XIRP2: variants seen among roughly 807,000 people sequenced by gnomAD.
The protein encoded by XIRP2 is xin actin-binding repeat-containing protein 2.
In XIRP2, 236 loss-of-function variants were observed where a neutral mutation model predicts 277.0. That is an observed-to-expected ratio of 0.85 (90% CI 0.77 to 0.95). The LOEUF (loss-of-function observed/expected upper bound fraction) is 0.95. Ranked by LOEUF, XIRP2 falls within the 40% of genes least tolerant of loss-of-function variation. XIRP2 has a pLI of 0.00. For synonymous variants in XIRP2, 1,490 were observed against 1,416.5 expected (o/e 1.05, Z -1.17); for missense variants, 4,640 against 4,157.5 (o/e 1.12, Z -3.19).
intron 3 of XIRP2, among the ~76,000 whole-genome samples, chr2:167,152,153 T>C (rs1692035405): frequency 6.6e-6 from 1 of 152,094 alleles, no homozygotes; most frequent in African/African-American, 2.4e-5. Context: ...ATATTGAATA[T>C]TTTAAGCTGA....
chr2:167,224,013 G>A (rs953598277), intron 5 of XIRP2, among the ~76,000 whole-genome samples: 1 of 152,044 alleles, frequency 6.6e-6, no homozygotes, highest in Non-Finnish European at 1.5e-5. Context: ...TTTCATTCCC[G>A]GAGGATGAAC....
At chr2:166,953,851 T>C (rs1686097401) in intron 2 of XIRP2, among the ~76,000 whole-genome samples, 1 of 151,958 alleles carries the variant, frequency 6.6e-6, no homozygotes, top group African/African-American at 2.4e-5. Context: ...GTTCTAATTC[T>C]TGCATAGCCA....
chr2:167,003,392 A>G (rs892132600), intron 2 of XIRP2, among the ~76,000 whole-genome samples: 5 of 151,882 alleles, frequency 3.3e-5, no homozygotes, highest in Non-Finnish European at 2.9e-5. Flanking sequence ...GAGAACACTA[A>G]AAACAGTTGG....
At chr2:167,235,455 A>G (rs929929406) in intron 5 of XIRP2, among the ~76,000 whole-genome samples, 25 of 151,890 alleles carry the variant, frequency 1.6e-4, no homozygotes, top group African/African-American at 6.0e-4. Context: ...AAAAGTGACT[A>G]CTGTATTTAC....
intron 3 of XIRP2, among the ~76,000 whole-genome samples, chr2:167,146,111 T>C (rs1181954052): frequency 1.3e-5 from 2 of 151,896 alleles, no homozygotes; most frequent in African/African-American, 4.8e-5. Flanking sequence ...TCCAAAATAT[T>C]AAGTTTTTTT....
intron 3 of XIRP2, among the ~76,000 whole-genome samples, chr2:167,163,157 G>T (rs73019982): frequency 6.6e-6 from 1 of 152,074 alleles, no homozygotes; most frequent in Non-Finnish European, 1.5e-5. Flanking sequence ...CAGGCTAATT[G>T]TGGACATATA....
intron 2 of XIRP2, among the ~76,000 whole-genome samples, chr2:166,911,741 C>T (rs1684706595): frequency 6.6e-6 from 1 of 152,182 alleles, no homozygotes; most frequent in Non-Finnish European, 1.5e-5. Flanking sequence ...TTTGCTGTCG[C>T]TGGTACTGGT....
In XIRP2 at chr2:167,152,614, T is replaced by C. The variant is rs189570016; in HGVS notation, c.562+16552T>C. On this transcript the variant is annotated intron_variant, in intron 3 of 10. Transcript: ENST00000409195. The stretch of plus-strand genomic sequence containing the variant: ...ACTATCTCTTATTTCCTCAAGACAA[T>C]AGATTTGATGGCTTTTTTACCCAAT... Among the ~76,000 whole-genome samples, 8 of 152,124 alleles carry C rather than the reference T, an allele frequency of 5.3e-5. No homozygotes were observed. In the East Asian group the frequency reaches 1.4e-3, roughly 26 times the overall value.
At chr2:166,963,299 CA>C (rs1686345605) in intron 2 of XIRP2, among the ~76,000 whole-genome samples, 1 of 151,760 alleles carries the variant, frequency 6.6e-6, no homozygotes, top group South Asian at 2.1e-4. Context: ...TCCTTTTATT[CA>C]TCCTCTCATT....
chr2:167,258,628 G>T lies in XIRP2; in HGVS notation c.*811G>T, dbSNP rs1445962187. ...TACAGGTTACTAACACTGATGATGA[G>T]ATGATGCCAGAAAATCATAAAGAAA... On this transcript the variant is annotated 3_prime_UTR_variant, in exon 11 of 11. Coordinates refer to ENST00000409195, the MANE Select transcript of XIRP2 (RefSeq NM_152381.6). 6.2e-7 allele frequency: 1 copy of T among 1,612,362 alleles called. No homozygotes were observed. Among genetic ancestry groups the T allele is most frequent in the East Asian group, 2.2e-5 (1 of 44,782 alleles).
chr2:166,987,483 T>C (rs535962804), intron 2 of XIRP2, among the ~76,000 whole-genome samples: 1 of 152,266 alleles, frequency 6.6e-6, no homozygotes, highest in African/African-American at 2.4e-5. Flanking sequence ...TTGGGGTAAA[T>C]ATAAATGAAA....
rs1318623606 is a variant in XIRP2, at chr2:167,247,990, A to C, written c.6598A>C (p.Lys2200Gln). 4 of 1,612,588 alleles carry C rather than the reference A, an allele frequency of 2.5e-6. No homozygotes were observed. Among genetic ancestry groups the C allele is most frequent in the Non-Finnish European group, 3.4e-6 (4 of 1,179,444 alleles). ...QETKYSNKDIKKKNINLQPMW... is the reference protein window; with the variant it reads ...QETKYSNKDIQKKNINLQPMW... ...AACAAAATATTCTAATAAGGATATA[A>C]AGAAAAAGAATATAAACCTTCAACC... is the stretch of plus-strand genomic sequence containing the variant. Residue 2200 changes from lysine to glutamine, a missense_variant, in exon 9 of 11, where the codon AAG becomes CAG. By Grantham distance (53) the Lys-to-Gln change is moderately conservative. Transcript: ENST00000409195.
intron 2 of XIRP2, among the ~76,000 whole-genome samples, chr2:166,959,574 T>C (rs1022518538): frequency 6.6e-6 from 1 of 151,848 alleles, no homozygotes; most frequent in African/African-American, 2.4e-5. Flanking sequence ...GCAACCATTA[T>C]GAAGGAATCC....
intron 1 of XIRP2, among the ~76,000 whole-genome samples, chr2:166,893,479 A>G (rs1684161675): frequency 6.6e-6 from 1 of 152,062 alleles, no homozygotes; most frequent in Non-Finnish European, 1.5e-5. Flanking sequence ...TACTGATTTC[A>G]TTGGTTCTGC....
chr2:167,202,919 G>A (rs73029709), intron 3 of XIRP2, among the ~76,000 whole-genome samples: 40,066 of 152,018 alleles, frequency 0.26, 8,432 homozygotes, highest in African/African-American at 0.58. Flanking sequence ...TCCAGAAGCT[G>A]CCTGTATTCC....
intron 2 of XIRP2, among the ~76,000 whole-genome samples, chr2:166,922,872 T>C (rs1337459934): frequency 6.6e-6 from 1 of 151,494 alleles, no homozygotes; most frequent in African/African-American, 2.4e-5. Context: ...ATATTGCAGA[T>C]TTTACTTAGT....
intron 2 of XIRP2, among the ~76,000 whole-genome samples, chr2:167,023,592 A>T (rs543673655): frequency 3.9e-5 from 6 of 152,086 alleles, no homozygotes; most frequent in South Asian, 2.1e-4. Flanking sequence ...GTTTTAGGTC[A>T]AACATGTAAG....
At chr2:167,187,264 G>T in intron 3 of XIRP2, 1 of 985,280 alleles carries the variant, frequency 1.0e-6, no homozygotes, top group African/African-American at 1.7e-5. Context: ...TAAAAGAGTG[G>T]TTGACTCAGG....
At chr2:167,201,360 G>A (rs28666445) in intron 3 of XIRP2, among the ~76,000 whole-genome samples, 6 of 151,408 alleles carry the variant, frequency 4.0e-5, no homozygotes, top group Non-Finnish European at 8.9e-5. Flanking sequence ...AAGGAAGGAA[G>A]GAAGGGGAAG....
Sources: allele counts gnomAD v4.1 joint callset (sites outside exome capture counted in the v4.1 genomes callset), GRCh38; gene constraint gnomAD v4.1.1; transcripts MANE v1.5; gene names NCBI Gene and HGNC (gene_info 2026-07-23, HGNC 2026-07-21).